The following POLR3B variants were observed in gnomAD, a reference collection of about 807,000 sequenced individuals.
POLR3B encodes the protein RNA polymerase III subunit B.
POLR3B carries 96 observed loss-of-function variants against 147.4 expected under a neutral mutation model. The observed-to-expected ratio is 0.65, with a 90% CI of 0.55 to 0.77. The LOEUF is 0.77. POLR3B is among the 30% of genes least tolerant of loss of function. The pLI, the probability that POLR3B is intolerant of heterozygous loss-of-function variation, is 0.00. For missense variants in POLR3B, 1,036 were observed against 1,413.5 expected, an observed-to-expected ratio of 0.73 and a Z score of 4.28; for synonymous variants, 461 against 485.9, an observed-to-expected ratio of 0.95 and a Z score of 0.67.
intron 12 of POLR3B, among the ~76,000 whole-genome samples, chr12:106,425,271 C>T (rs1278323164): frequency 6.6e-6 from 1 of 152,116 alleles, no homozygotes; most frequent in African/African-American, 2.4e-5. Flanking sequence ...AGGATCTTTG[C>T]CCAACCAGGT....
intron 23 of POLR3B, 192 bp from the exon 24 acceptor site, chr12:106,495,863 C>A: frequency 1.5e-6 from 1 of 681,282 alleles, no homozygotes. Flanking sequence ...GTGCCTTTCG[C>A]AAGGAGAGTC....
intron 9 of POLR3B, among the ~76,000 whole-genome samples, chr12:106,390,789 T>C (rs1334020998): frequency 6.6e-6 from 1 of 152,208 alleles, no homozygotes; most frequent in Non-Finnish European, 1.5e-5. Flanking sequence ...TTATCTGTGC[T>C]GTGTAACAGA....
intron 23 of POLR3B, among the ~76,000 whole-genome samples, chr12:106,483,185 C>A (rs2038292780): frequency 6.6e-6 from 1 of 152,184 alleles, no homozygotes; most frequent in South Asian, 2.1e-4. Context: ...TCACATTCCG[C>A]AAATGCTGTA....
intron 9 of POLR3B, among the ~76,000 whole-genome samples, chr12:106,386,918 GA>G (rs2036847758): frequency 6.7e-6 from 1 of 149,910 alleles, no homozygotes; most frequent in Non-Finnish European, 1.5e-5. Flanking sequence ...AAAAAAAAAA[GA>G]AAAAAGTTTC....
intron 19 of POLR3B, among the ~76,000 whole-genome samples, chr12:106,450,378 A>G (rs2037779804): frequency 6.6e-6 from 1 of 152,176 alleles, no homozygotes; most frequent in Admixed American, 6.5e-5. Context: ...TCAAAATTAA[A>G]CTTTTGCTCT....
intron 19 of POLR3B, among the ~76,000 whole-genome samples, chr12:106,449,781 C>T (rs1359729857): frequency 6.6e-6 from 1 of 152,028 alleles, no homozygotes; most frequent in African/African-American, 2.4e-5. Flanking sequence ...AGTGAGCCCT[C>T]GCAGTTCAAA....
intron 19 of POLR3B, among the ~76,000 whole-genome samples, chr12:106,446,776 T>C (rs1017421408): frequency 6.6e-6 from 1 of 152,198 alleles, no homozygotes; most frequent in African/African-American, 2.4e-5. Flanking sequence ...CTGTTTGTTA[T>C]TATAAAACAC....
chr12:106,409,261 T>C (rs537273228), intron 11 of POLR3B, among the ~76,000 whole-genome samples: 12 of 151,620 alleles, frequency 7.9e-5, no homozygotes, highest in African/African-American at 1.9e-4. Flanking sequence ...GAAATACCAA[T>C]TGAAAATGTA....
At chr12:106,386,061 C>T (rs1051185426) in intron 9 of POLR3B, among the ~76,000 whole-genome samples, 2 of 152,066 alleles carry the variant, frequency 1.3e-5, no homozygotes, top group African/African-American at 4.8e-5. Flanking sequence ...TTTTATCTAA[C>T]GGGGCTGGGC....
intron 21 of POLR3B, 61 bp from the exon 22 acceptor site, chr12:106,459,190 G>A (rs1260685394): frequency 2.5e-5 from 24 of 966,234 alleles, no homozygotes; most frequent in African/African-American, 1.1e-4. Flanking sequence ...TGCCTAGTTC[G>A]TAATCTTTGT....
At chr12:106,420,862 G>A (rs1423898662) in intron 12 of POLR3B, among the ~76,000 whole-genome samples, 1 of 152,074 alleles carries the variant, frequency 6.6e-6, no homozygotes, top group African/African-American at 2.4e-5. Context: ...ATTACCAATA[G>A]CATTTCATTT....
chr12:106,448,082 T>C (rs1211076098), intron 19 of POLR3B, among the ~76,000 whole-genome samples: 1 of 152,176 alleles, frequency 6.6e-6, no homozygotes, highest in Non-Finnish European at 1.5e-5. Flanking sequence ...TTATTCTTTG[T>C]CCGTTTAAGG....
intron 26 of POLR3B, among the ~76,000 whole-genome samples, chr12:106,503,676 A>G (rs966669801): frequency 6.6e-6 from 1 of 152,244 alleles, no homozygotes; most frequent in Admixed American, 6.5e-5. Context: ...CTGCTTTTAA[A>G]TAATAGAATA....
intron 4 of POLR3B, 71 bp downstream of exon 4, chr12:106,366,793 A>G (rs2036542187): frequency 8.3e-6 from 10 of 1,211,048 alleles, no homozygotes; most frequent in African/African-American, 1.5e-5. Context: ...TGAAGTTGCT[A>G]TCAAAACTCT....
intron 18 of POLR3B, among the ~76,000 whole-genome samples, chr12:106,441,214 T>C (rs1458291593): frequency 6.6e-6 from 1 of 152,210 alleles, no homozygotes. Context: ...ATTTTCCATA[T>C]TAGTATATAT....
chr12:106,430,076 T>C (rs956515588), intron 13 of POLR3B, among the ~76,000 whole-genome samples, 197 bp from the exon 14 acceptor site: 3 of 152,216 alleles, frequency 2.0e-5, no homozygotes, highest in African/African-American at 7.2e-5. Context: ...TAATGTTCAT[T>C]ATCTTCCTAG....
At chr12:106,458,665 C>G (rs560586045) in intron 21 of POLR3B, among the ~76,000 whole-genome samples, 4 of 152,056 alleles carry the variant, frequency 2.6e-5, no homozygotes, top group Admixed American at 1.3e-4. Context: ...ACAGAGTACG[C>G]GACTTCTCCT....
Position 106,444,586 on chromosome 12 carries a change from C to G in POLR3B, c.2079C>G (p.Ala693=). 1 of 1,613,722 alleles carries G rather than the reference C, an allele frequency of 6.2e-7. No individual in the cohort carries two copies. The highest frequency in any genetic ancestry group is 1.1e-5 in the South Asian group (1 of 91,032). Reference sequence around the variant, plus strand: ...ATCAGTGTGCCATGGGGAAACAAGCCATGGGTAAGATTTCCTTCTTGAAAG... The same window carrying G: ...ATCAGTGTGCCATGGGGAAACAAGCGATGGGTAAGATTTCCTTCTTGAAAG... ...NTYQCAMGKQ[A]MGTIGYNQRN... The change falls in exon 19 of 28, where the codon GCC becomes GCG. Residue 693 remains alanine, a synonymous_variant. Transcript: ENST00000228347.
At chr12:106,434,125 G>A (rs2037545936) in intron 16 of POLR3B, among the ~76,000 whole-genome samples, 1 of 152,156 alleles carries the variant, frequency 6.6e-6, no homozygotes, top group African/African-American at 2.4e-5. Context: ...ACAATCAACT[G>A]TGGTAGTGGT....
Sources: allele counts gnomAD v4.1 joint callset (sites outside exome capture counted in the v4.1 genomes callset), GRCh38; gene constraint gnomAD v4.1.1; transcripts MANE v1.5; gene names NCBI Gene and HGNC (gene_info 2026-07-23, HGNC 2026-07-21).